Variants in GPC6 observed in about 807,000 individuals in gnomAD.
GPC6 encodes glypican-6.
GPC6 carries 14 observed loss-of-function variants against 55.2 expected under a neutral mutation model. The observed-to-expected ratio is 0.25, with a 90% CI of 0.17 to 0.40. GPC6 has a LOEUF of 0.40. Ranked by LOEUF, GPC6 falls within the 10% of genes least tolerant of loss-of-function variation. The pLI, the probability that GPC6 is intolerant of heterozygous loss-of-function variation, is 1.00. For missense variants in GPC6, 641 were observed against 708.5 expected (o/e 0.90, Z 1.08); for synonymous variants, 278 against 259.6 (o/e 1.07, Z -0.68).
intron 2 of GPC6, among the ~76,000 whole-genome samples, chr13:93,666,938 A>G (rs1444185210): frequency 6.6e-6 from 1 of 152,166 alleles, no homozygotes; most frequent in Non-Finnish European, 1.5e-5. Context: ...TTTATAATAT[A>G]ACTTTCTTTT....
chr13:94,232,069 C>G (rs545896772), intron 4 of GPC6, among the ~76,000 whole-genome samples: 1 of 152,022 alleles, frequency 6.6e-6, no homozygotes, highest in Non-Finnish European at 1.5e-5. Context: ...AAAACAACAC[C>G]GAAAAATATA....
chr13:93,798,916 C>T (rs866616830), intron 2 of GPC6, among the ~76,000 whole-genome samples: 65 of 52,912 alleles, frequency 1.2e-3, no homozygotes, highest in African/African-American at 4.3e-3. Context: ...AAGACTCTGT[C>T]TCAAAAAAAA....
intron 2 of GPC6, among the ~76,000 whole-genome samples, chr13:93,742,485 CA>C (rs1884242102): frequency 6.6e-6 from 1 of 152,168 alleles, no homozygotes. Context: ...ATTTAGGAAA[CA>C]TTTTTCAAGT....
chr13:93,498,563 C>T (rs778324606), intron 1 of GPC6, among the ~76,000 whole-genome samples: 7 of 152,158 alleles, frequency 4.6e-5, no homozygotes, highest in Non-Finnish European at 7.3e-5. Flanking sequence ...GAGTAAGTCT[C>T]ATGAGATCTG....
intron 2 of GPC6, among the ~76,000 whole-genome samples, chr13:93,602,812 C>T (rs1347214674): frequency 6.6e-6 from 1 of 152,104 alleles, no homozygotes; most frequent in Non-Finnish European, 1.5e-5. Flanking sequence ...GTTAAGTACA[C>T]ACTACATGTC....
intron 1 of GPC6, among the ~76,000 whole-genome samples, chr13:93,372,472 TG>T (rs2139193063): frequency 6.6e-6 from 1 of 152,314 alleles, no homozygotes; most frequent in South Asian, 2.1e-4. Flanking sequence ...TCAGGAGATC[TG>T]GGTTGTAATT....
chr13:93,817,756 G>A (rs1339568268), intron 2 of GPC6, among the ~76,000 whole-genome samples: 3 of 151,876 alleles, frequency 2.0e-5, no homozygotes, highest in Non-Finnish European at 2.9e-5. Flanking sequence ...CTACCCAGGA[G>A]GCTGAAGTGG....
chr13:93,576,626 T>C (rs1385598423), intron 2 of GPC6, among the ~76,000 whole-genome samples: 2 of 152,152 alleles, frequency 1.3e-5, no homozygotes, highest in Non-Finnish European at 2.9e-5. Context: ...TTCTTTCAAC[T>C]TTACAGCTCA....
chr13:93,511,579 C>G (rs1257366368), intron 1 of GPC6, among the ~76,000 whole-genome samples: 1 of 151,876 alleles, frequency 6.6e-6, no homozygotes, highest in Non-Finnish European at 1.5e-5. Context: ...CTACTTTAGC[C>G]TTGTAATAAT....
chr13:93,500,653 A>C (rs745717881), intron 1 of GPC6, among the ~76,000 whole-genome samples: 2 of 152,198 alleles, frequency 1.3e-5, no homozygotes, highest in Non-Finnish European at 2.9e-5. Flanking sequence ...AATATTTTTT[A>C]AAGTTTTTAA....
In GPC6 at chr13:94,060,970, A is replaced by T. The variant is rs9516337; in HGVS notation, c.877+33076A>T. Among the ~76,000 whole-genome samples the T allele has an allele frequency of 2.6e-3, 401 of 152,328 alleles. 2 individuals are homozygous for T. The highest frequency in any genetic ancestry group is 6.8e-3 in the Middle Eastern group (2 of 294). On this transcript the variant is annotated intron_variant, in intron 4 of 8. Coordinates refer to ENST00000377047, the MANE Select transcript of GPC6 (RefSeq NM_005708.5). ...TTGCTAAACTTTGATTAAAAATCAG[A>T]CACAGAACTAGATATATCTGACATT...
intron 1 of GPC6, among the ~76,000 whole-genome samples, chr13:93,337,509 A>G (rs905365902): frequency 6.6e-6 from 1 of 152,286 alleles, no homozygotes; most frequent in African/African-American, 2.4e-5. Flanking sequence ...AAGGTAAAAA[A>G]AAAAGAAAAA....
chr13:93,972,496 G>C (rs567389837), intron 3 of GPC6, among the ~76,000 whole-genome samples: 2 of 152,000 alleles, frequency 1.3e-5, no homozygotes, highest in African/African-American at 2.4e-5. Context: ...GTGCTTTCAG[G>C]TTCCCCCCAC....
chr13:93,833,252 T>C (rs1315169562), intron 3 of GPC6, among the ~76,000 whole-genome samples: 2 of 151,962 alleles, frequency 1.3e-5, no homozygotes, highest in African/African-American at 4.8e-5. Context: ...ACCAATGAAC[T>C]TCCTCACCTA....
intron 2 of GPC6, among the ~76,000 whole-genome samples, chr13:93,594,779 G>A (rs893972745): frequency 1.3e-5 from 2 of 151,596 alleles, no homozygotes; most frequent in African/African-American, 4.8e-5. Context: ...TGCACATTCT[G>A]GTTCATGGAG....
chr13:93,472,805 A>G (rs1182852550), intron 1 of GPC6, among the ~76,000 whole-genome samples: 1 of 152,218 alleles, frequency 6.6e-6, no homozygotes, highest in Non-Finnish European at 1.5e-5. Flanking sequence ...TCTTGCAACC[A>G]GGAAGAATGA....
chr13:94,319,436 CACAAA>C (rs1876707543), intron 6 of GPC6, among the ~76,000 whole-genome samples: 1 of 152,096 alleles, frequency 6.6e-6, no homozygotes, highest in South Asian at 2.1e-4. Flanking sequence ...GTGTGTTTTA[CACAAA>C]ACAAAAGTTA....
chr13:93,918,509 C>T (rs1004012903), intron 3 of GPC6, among the ~76,000 whole-genome samples: 3 of 152,006 alleles, frequency 2.0e-5, no homozygotes, highest in East Asian at 1.9e-4. Context: ...GACATTAAAA[C>T]GTGCCTCGAC....
At chr13:93,550,425 A>G (rs1454447338) in intron 2 of GPC6, among the ~76,000 whole-genome samples, 1 of 152,134 alleles carries the variant, frequency 6.6e-6, no homozygotes, top group Non-Finnish European at 1.5e-5. Context: ...TTTTAATGAT[A>G]TACATATGTC....
Sources: allele counts gnomAD v4.1 joint callset (sites outside exome capture counted in the v4.1 genomes callset), GRCh38; gene constraint gnomAD v4.1.1; transcripts MANE v1.5; gene names NCBI Gene and HGNC (gene_info 2026-07-23, HGNC 2026-07-21).